PAWR: variants seen among roughly 807,000 people sequenced by gnomAD.
PAWR encodes the protein PRKC apoptosis WT1 regulator protein.
A neutral mutation model predicts 32.0 loss-of-function variants in PAWR; 23 were observed. The ratio of observed to expected loss-of-function variants is 0.72; its 90% CI spans 0.52 to 1.02. PAWR has a LOEUF of 1.02. Ranked by LOEUF, PAWR falls within the 50% of genes least tolerant of loss-of-function variation. The pLI is 0.00. For missense variants in PAWR, 457 were observed against 437.7 expected (o/e 1.04, Z -0.39); for synonymous variants, 226 against 187.1 (o/e 1.21, Z -1.70).
In PAWR at chr12:79,690,122, G is replaced by GGGGGCC. The variant is rs1878927015; in HGVS notation, c.117_122dup (p.Ala40_Pro41dup). On this transcript the variant is annotated inframe_insertion, in exon 2 of 7. Transcript: ENST00000328827. ...CGGCGTCGCTGCTGCCCCCTCCCGG[G>GGGGGCC]GGGGCCGGGCCCGGGGGGTTCTGCT... 4.0e-6 allele frequency: 6 copies of GGGGGCC among 1,504,596 alleles called. No homozygotes were observed. Among genetic ancestry groups the GGGGGCC allele is most frequent in the East Asian group, 2.8e-5 (1 of 35,318 alleles). The allele number at this position is 1,504,596 out of a possible 1,614,324, so 93.2% of individuals were successfully genotyped here. A position where few individuals can be genotyped will look rare whatever the true frequency, so the allele number is the denominator to read the frequency against.
rs141733596 is a variant in PAWR at position 79,585,275 on chromosome 12, G to A, written c.*7332C>T. 2.2e-3 allele frequency: 724 copies of A among 329,132 alleles called. 13 individuals carry two copies. Among genetic ancestry groups the A allele is most frequent in the African/African-American group, 0.015 (657 of 45,174 alleles). 20.4% of individuals were successfully genotyped at this position (329,132 alleles called of 1,614,324 possible). A position where few individuals can be genotyped will look rare whatever the true frequency, so the allele number is the denominator to read the frequency against. On this transcript the variant is annotated 3_prime_UTR_variant, in exon 7 of 7. Coordinates refer to ENST00000328827, the MANE Select transcript of PAWR (RefSeq NM_002583.4). The stretch of plus-strand genomic sequence containing the variant: ...ATACTGCAGTGGCTCAAAAACTTAG[G>A]CCTGCATCAAAATTACATGAAGCGC...
intron 3 of PAWR, among the ~76,000 whole-genome samples, chr12:79,615,914 G>A (rs140669399): frequency 6.6e-6 from 1 of 152,032 alleles, no homozygotes; most frequent in East Asian, 1.9e-4. Context: ...AAAATTAGCT[G>A]GGTGAAGTGG....
intron 2 of PAWR, among the ~76,000 whole-genome samples, chr12:79,686,663 T>C (rs989571535): frequency 2.6e-5 from 4 of 152,240 alleles, no homozygotes; most frequent in African/African-American, 4.8e-5. Context: ...TAATATACTA[T>C]ACAAACAATT....
intron 3 of PAWR, among the ~76,000 whole-genome samples, chr12:79,619,691 A>G (rs1874910131): frequency 6.6e-6 from 1 of 152,198 alleles, no homozygotes; most frequent in Non-Finnish European, 1.5e-5. Context: ...AAAGTTTCAA[A>G]GACTACGTAA....
At chr12:79,613,692 C>A in intron 3 of PAWR, 83 bp from the exon 4 acceptor site, 1 of 666,738 alleles carries the variant, frequency 1.5e-6, no homozygotes, top group Non-Finnish European at 2.5e-6. Flanking sequence ...ATAGAGAATA[C>A]CTAATTTTAA....
At chr12:79,633,522 G>A (rs947693518) in intron 2 of PAWR, among the ~76,000 whole-genome samples, 1 of 151,726 alleles carries the variant, frequency 6.6e-6, no homozygotes, top group East Asian at 1.9e-4. Flanking sequence ...TTGTTTTTTT[G>A]TTGTTGTTTT....
chr12:79,668,649 G>C (rs1355654612), intron 2 of PAWR, among the ~76,000 whole-genome samples: 2 of 152,172 alleles, frequency 1.3e-5, no homozygotes, highest in African/African-American at 4.8e-5. Context: ...AAGAGGGTTC[G>C]TGTTCCTATG....
intron 2 of PAWR, among the ~76,000 whole-genome samples, chr12:79,665,174 A>T (rs1490812451): frequency 6.6e-6 from 1 of 152,224 alleles, no homozygotes; most frequent in African/African-American, 2.4e-5. Context: ...AAAATTTTAT[A>T]GAGACAAAAA....
intron 4 of PAWR, among the ~76,000 whole-genome samples, chr12:79,607,743 A>T (rs561920979): frequency 0.061 from 7,742 of 127,598 alleles, 291 homozygotes; most frequent in Middle Eastern, 0.12. Context: ...AAAAAAAAAA[A>T]AATAATAATA....
intron 2 of PAWR, among the ~76,000 whole-genome samples, chr12:79,644,919 C>G (rs562107627): frequency 6.6e-6 from 1 of 152,072 alleles, no homozygotes; most frequent in East Asian, 1.9e-4. Flanking sequence ...CTGATGAACC[C>G]TAACTCAACA....
intron 2 of PAWR, among the ~76,000 whole-genome samples, chr12:79,643,075 T>C (rs978176835): frequency 5.3e-5 from 8 of 152,188 alleles, no homozygotes; most frequent in African/African-American, 1.9e-4. Flanking sequence ...CAAAGGCAAA[T>C]CTTGCTTTCA....
Position 79,608,449 on chromosome 12 carries a change from G to A in PAWR, c.683+5126C>T, listed in dbSNP as rs538190742. 3.5e-4 allele frequency among the ~76,000 whole-genome samples: 54 copies of A among 152,258 alleles called. No individual in the cohort carries two copies. In the South Asian group the frequency reaches 5.4e-3, roughly 15 times the overall value. On this transcript the variant is annotated intron_variant, in intron 4 of 6. Transcript: ENST00000328827. ...CGCGCTCCTATGAGAATCTAATGCCGTTGCTGATCTGGCAGGAAGCAAAGC... is the reference window on the plus strand; with the variant it reads ...CGCGCTCCTATGAGAATCTAATGCCATTGCTGATCTGGCAGGAAGCAAAGC...
At chr12:79,593,499 C>T (rs1193582804) in intron 6 of PAWR, among the ~76,000 whole-genome samples, 2 of 151,644 alleles carry the variant, frequency 1.3e-5, no homozygotes, top group Non-Finnish European at 2.9e-5. Context: ...AGACTCTTTA[C>T]TGTTAAAAAA....
intron 2 of PAWR, among the ~76,000 whole-genome samples, chr12:79,671,139 A>G (rs1191001479): frequency 6.6e-6 from 1 of 151,094 alleles, no homozygotes; most frequent in Non-Finnish European, 1.5e-5. Flanking sequence ...AAAAAAAAAA[A>G]AAAAAGGAAA....
At chr12:79,639,266 T>A (rs1457395314) in intron 2 of PAWR, among the ~76,000 whole-genome samples, 2 of 152,088 alleles carry the variant, frequency 1.3e-5, no homozygotes, top group Non-Finnish European at 2.9e-5. Context: ...AGCCATATTA[T>A]TTTTATCATT....
chr12:79,639,146 C>T (rs747852954), intron 2 of PAWR, among the ~76,000 whole-genome samples: 2 of 150,516 alleles, frequency 1.3e-5, no homozygotes, highest in Non-Finnish European at 3.0e-5. Context: ...CACCTGACCC[C>T]GTGATCTGCC....
In PAWR at chr12:79,619,429, T is replaced by C. The variant is rs144486712; in HGVS notation, c.648+1647A>G. On this transcript the variant is annotated intron_variant, in intron 3 of 6. Transcript: ENST00000328827. The stretch of plus-strand genomic sequence containing the variant: ...AAAAAGGTGAAAATTCTCAGCTTAA[T>C]AACGAAAGAAAGAAAAATCATATCC... 4.1e-3 allele frequency among the ~76,000 whole-genome samples: 623 copies of C among 152,318 alleles called. 12 individuals are homozygous for C. Among genetic ancestry groups the C allele is most frequent in the African/African-American group, 0.014 (591 of 41,578 alleles).
intron 2 of PAWR, among the ~76,000 whole-genome samples, chr12:79,661,135 G>T (rs1408433986): frequency 6.6e-6 from 1 of 151,322 alleles, no homozygotes; most frequent in Non-Finnish European, 1.5e-5. Context: ...TGTAATCCCA[G>T]CTACTGGGGA....
chr12:79,632,337 A>T (rs1331227928), intron 2 of PAWR, among the ~76,000 whole-genome samples: 4 of 50,948 alleles, frequency 7.9e-5, no homozygotes, highest in African/African-American at 7.4e-4. Context: ...ATATATATAT[A>T]TATATATATA....
Sources: gnomAD v4.1 joint callset for allele counts (sites outside exome capture counted in the v4.1 genomes callset) on GRCh38, gnomAD v4.1.1 for gene constraint, MANE v1.5 for transcripts, NCBI Gene and HGNC (gene_info 2026-07-23, HGNC 2026-07-21) for gene names.